ANO6: variants seen among roughly 807,000 people sequenced by gnomAD.
ANO6 encodes anoctamin-6.
A neutral mutation model predicts 117.5 loss-of-function variants in ANO6; 106 were observed. That is an observed-to-expected ratio of 0.90 (90% CI 0.77 to 1.06). ANO6 has a LOEUF of 1.06. Ranked by LOEUF, ANO6 falls within the 50% of genes least tolerant of loss-of-function variation. ANO6 has a pLI of 0.00. For synonymous variants in ANO6, 367 were observed against 385.1 expected (o/e 0.95, Z 0.55); for missense variants, 955 against 1,121.1 (o/e 0.85, Z 2.12).
chr12:45,249,638 G>A (rs1369132452), intron 1 of ANO6, among the ~76,000 whole-genome samples: 1 of 152,160 alleles, frequency 6.6e-6, no homozygotes, highest in Non-Finnish European at 1.5e-5. Flanking sequence ...AGTGAAGAGA[G>A]AGCCATCAGA....
chr12:45,399,724 G>A (rs1160011654), intron 12 of ANO6, among the ~76,000 whole-genome samples: 1 of 152,160 alleles, frequency 6.6e-6, no homozygotes, highest in Admixed American at 6.5e-5. Context: ...AAACAGAGGA[G>A]TTCTTTCCCC....
chr12:45,319,706 T>G (rs1940187414), intron 2 of ANO6, among the ~76,000 whole-genome samples: 1 of 152,248 alleles, frequency 6.6e-6, no homozygotes, highest in Non-Finnish European at 1.5e-5. Context: ...CAGTTCCTCC[T>G]TGTACCTCTG....
chr12:45,413,950 GGACTGTTT>G (rs1257066305), intron 16 of ANO6, among the ~76,000 whole-genome samples: 3 of 152,030 alleles, frequency 2.0e-5, no homozygotes, highest in Non-Finnish European at 4.4e-5. Context: ...CACAGCAGGG[GGACTGTTT>G]GACCATGTCA....
chr12:45,306,971 A>G (rs1939690876), intron 2 of ANO6, among the ~76,000 whole-genome samples: 1 of 152,084 alleles, frequency 6.6e-6, no homozygotes, highest in African/African-American at 2.4e-5. Flanking sequence ...CAGAAGGAGT[A>G]GCATAAACAG....
chr12:45,292,710 G>C, intron 1 of ANO6: 1 of 1,347,472 alleles, frequency 7.4e-7, no homozygotes, highest in East Asian at 3.0e-5. Flanking sequence ...TGTAGGAATA[G>C]GGGAAGAGTT....
chr12:45,430,940 C>T lies in ANO6; in HGVS notation c.*1629C>T, dbSNP rs115288849. 1,816 of 985,348 alleles carry T rather than the reference C, an allele frequency of 1.8e-3. 21 individuals are homozygous for T. The African/African-American group carries it at 0.026, about 14-fold the overall frequency. The allele number at this position is 985,348 out of a possible 1,614,324, so 61.0% of individuals were successfully genotyped here. A position where few individuals can be genotyped will look rare whatever the true frequency, so the allele number is the denominator to read the frequency against. On this transcript the variant is annotated 3_prime_UTR_variant, in exon 20 of 20. Coordinates refer to ENST00000320560, the MANE Select transcript of ANO6 (RefSeq NM_001025356.3). Reference sequence around the variant, plus strand: ...TGCTGTTAAACACCAGAGGAGCCAACCTATCAGAATCCCAGCAGCAAAGGA... The same window carrying T: ...TGCTGTTAAACACCAGAGGAGCCAATCTATCAGAATCCCAGCAGCAAAGGA...
At chr12:45,439,605 G>A in intron 19 of ANO6, 1 of 1,285,286 alleles carries the variant, frequency 7.8e-7, no homozygotes, top group Non-Finnish European at 1.0e-6. Flanking sequence ...CAGCTTACCT[G>A]AAGACAATAA....
intron 6 of ANO6, among the ~76,000 whole-genome samples, chr12:45,349,481 T>C (rs1414762086): frequency 6.6e-6 from 1 of 152,222 alleles, no homozygotes; most frequent in Non-Finnish European, 1.5e-5. Context: ...TAACTAAAGC[T>C]GTTTAAACTC....
chr12:45,358,153 G>A (rs1262030852), intron 8 of ANO6, among the ~76,000 whole-genome samples: 1 of 152,212 alleles, frequency 6.6e-6, no homozygotes, highest in African/African-American at 2.4e-5. Flanking sequence ...CTGCTATCCA[G>A]GTGTGCCAGC....
intron 13 of ANO6, among the ~76,000 whole-genome samples, chr12:45,402,575 A>G (rs181873782): frequency 1.4e-4 from 22 of 152,320 alleles, no homozygotes; most frequent in Admixed American, 2.0e-4. Context: ...CTGCTCGGTG[A>G]TCATCTAAAA....
At chr12:45,225,104 A>G (rs1008981468) in intron 1 of ANO6, among the ~76,000 whole-genome samples, 3 of 151,190 alleles carry the variant, frequency 2.0e-5, no homozygotes, top group African/African-American at 4.9e-5. Context: ...GGAAGATTCA[A>G]TTGAACCCAG....
chr12:45,379,611 T>A (rs1942117409), intron 10 of ANO6, among the ~76,000 whole-genome samples: 1 of 152,244 alleles, frequency 6.6e-6, no homozygotes, highest in Non-Finnish European at 1.5e-5. Flanking sequence ...CGTTGAATCA[T>A]AATGTATAAC....
chr12:45,390,575 T>C (rs1304053177), intron 12 of ANO6, 77 bp downstream of exon 12: 18 of 1,280,718 alleles, frequency 1.4e-5, no homozygotes, highest in Non-Finnish European at 1.9e-5. Context: ...TATCTAATTT[T>C]AAATGTTGAG....
At chr12:45,360,590 T>A (rs1193112795) in intron 8 of ANO6, among the ~76,000 whole-genome samples, 1 of 152,254 alleles carries the variant, frequency 6.6e-6, no homozygotes, top group Non-Finnish European at 1.5e-5. Context: ...TAGCATCCTT[T>A]GAAACAAAAT....
chr12:45,390,351 G>T, intron 11 of ANO6, 70 bp from the exon 12 acceptor site: 1 of 1,194,094 alleles, frequency 8.4e-7, no homozygotes, highest in Non-Finnish European at 1.2e-6. Flanking sequence ...ATTTATTGGC[G>T]AGTCAGGAGA....
chr12:45,245,420 ATT>A (rs397965166), intron 1 of ANO6, among the ~76,000 whole-genome samples: 18 of 132,276 alleles, frequency 1.4e-4, no homozygotes, highest in South Asian at 2.4e-4. Flanking sequence ...CAAAAAACTG[ATT>A]TTTTTTTTTT....
intron 2 of ANO6, among the ~76,000 whole-genome samples, chr12:45,328,697 C>G (rs1309617690): frequency 6.6e-6 from 1 of 152,078 alleles, no homozygotes; most frequent in East Asian, 1.9e-4. Context: ...CCTGGATTCA[C>G]AATTTACTGA....
intron 1 of ANO6, among the ~76,000 whole-genome samples, chr12:45,260,655 G>T (rs1937996154): frequency 6.6e-6 from 1 of 152,204 alleles, no homozygotes; most frequent in Non-Finnish European, 1.5e-5. Flanking sequence ...CCTGCTCAGA[G>T]GGATTCAGAG....
intron 9 of ANO6, among the ~76,000 whole-genome samples, chr12:45,372,060 G>C (rs1387830644): frequency 6.6e-6 from 1 of 151,898 alleles, no homozygotes; most frequent in East Asian, 1.9e-4. Context: ...ACTACGTGAA[G>C]AATGCAGAAG....
Sources: allele counts gnomAD v4.1 joint callset (sites outside exome capture counted in the v4.1 genomes callset), GRCh38; gene constraint gnomAD v4.1.1; transcripts MANE v1.5; gene names NCBI Gene and HGNC (gene_info 2026-07-23, HGNC 2026-07-21).